C16orf95: variants seen among roughly 807,000 people sequenced by gnomAD.
C16orf95 encodes chromosome 16 open reading frame 95.
Under a neutral mutation model 32.1 loss-of-function variants are expected in C16orf95, and 41 were observed. The ratio of observed to expected loss-of-function variants is 1.28; its 90% CI spans 1.00 to 1.66. The LOEUF (loss-of-function observed/expected upper bound fraction) is 1.66, where lower values mean the gene tolerates loss of function less well. Ranked by LOEUF, C16orf95 falls within the 40% of genes most tolerant of loss-of-function variation. C16orf95 has a pLI of 0.00. For missense variants in C16orf95, 399 were observed against 325.9 expected, an observed-to-expected ratio of 1.22 and a Z score of -1.73; for synonymous variants, 147 against 128.9, an observed-to-expected ratio of 1.14 and a Z score of -0.95.
In C16orf95 at chr16:87,315,027, T is replaced by C. The variant is rs1483236334; in HGVS notation, c.274A>G (p.Arg92Gly). ...CAGTAAGGCAGTGCTGCTTCCACCCTGGACACAGGCAGGCGGCCCCCGAAT... is the reference window on the plus strand; with the variant it reads ...CAGTAAGGCAGTGCTGCTTCCACCCCGGACACAGGCAGGCGGCCCCCGAAT... The part of the protein sequence containing the change: ...TRFGGRLPVS[R>G]VEAALPYWVP... The change falls in exon 3 of 7, where the codon AGG becomes GGG. Residue 92 changes from arginine (R) to glycine (G), a missense_variant. Physicochemically the swap from Arg to Gly is moderately radical, Grantham distance 125. Coordinates refer to ENST00000567970, the MANE Select transcript of C16orf95 (RefSeq NM_001195124.3). 6.5e-6 allele frequency: 10 copies of C among 1,536,136 alleles called. No individual in the cohort carries two copies. The highest frequency in any genetic ancestry group is 1.7e-4 in the Middle Eastern group (1 of 5,988).
In C16orf95 at chr16:87,305,628, T is replaced by TC; in HGVS notation, c.701+90dup. On this transcript the variant is annotated intron_variant, in intron 6 of 6. Coordinates refer to ENST00000567970, the MANE Select transcript of C16orf95 (RefSeq NM_001195124.3). The surrounding 1 kb of genome is among the most constrained non-coding windows in gnomAD (Gnocchi z 4.2). ...TGTCAAGTTAAGCCCCACCCCCCAC[T>TC]CTTCCACATCCCTGATGGCCACCAA... The TC allele has an allele frequency of 8.3e-7, 1 of 1,199,150 alleles. No homozygotes were observed. Among genetic ancestry groups the TC allele is most frequent in the Non-Finnish European group, 1.1e-6 (1 of 891,228 alleles). The allele number at this position is 1,199,150 out of a possible 1,614,324, so 74.3% of individuals were successfully genotyped here.
At chr16:87,307,468 AT>A (rs1386232406) in intron 5 of C16orf95, among the ~76,000 whole-genome samples, 1 of 110,056 alleles carries the variant, frequency 9.1e-6, no homozygotes, top group Admixed American at 8.4e-5. Flanking sequence ...GAATTAAAAG[AT>A]AAAAATAGGC....
At chr16:87,312,978 C>T (rs1329848713) in intron 3 of C16orf95, among the ~76,000 whole-genome samples, 1 of 151,720 alleles carries the variant, frequency 6.6e-6, no homozygotes, top group Non-Finnish European at 1.5e-5. Flanking sequence ...TGTGTAAAGC[C>T]TATATAATAA....
At chr16:87,310,218 GC>G in intron 5 of C16orf95, 78 bp downstream of exon 5, 3 of 1,384,874 alleles carry the variant, frequency 2.2e-6, no homozygotes, top group South Asian at 1.2e-5. Flanking sequence ...TGAGAGGTCT[GC>G]CCCCACCATC....
At chr16:87,311,998 G>C (rs963253533) in intron 3 of C16orf95, among the ~76,000 whole-genome samples, 12 of 152,320 alleles carry the variant, frequency 7.9e-5, no homozygotes, top group African/African-American at 2.9e-4. Flanking sequence ...GCAGCACCGT[G>C]AGTTCACTAC....
Position 87,311,251 on chromosome 16 carries a change from A to C in C16orf95, c.376T>G (p.Cys126Gly). The change falls in exon 4 of 7, where the codon TGC (cysteine) becomes GGC (glycine). Residue 126 changes from cysteine to glycine, a missense_variant. Coordinates refer to ENST00000567970, the MANE Select transcript of C16orf95 (RefSeq NM_001195124.3). ...CCAAAGCGGTGGCATAGGCAGGGGC[A>C]CATCTTGGCGGTTTGGGGGATAGGA... ...QFPIPQTAKM[C>G]PCLCHRFGGR... is the part of the protein sequence containing the mutation. 2 of 1,535,736 alleles carry C rather than the reference A, an allele frequency of 1.3e-6. No individual in the cohort carries two copies.
intron 6 of C16orf95, among the ~76,000 whole-genome samples, chr16:87,304,200 G>T (rs1910894454): frequency 6.6e-6 from 1 of 152,040 alleles, no homozygotes; most frequent in Non-Finnish European, 1.5e-5. Context: ...TGTGGAGATG[G>T]GGTCTCACTA....
At chr16:87,303,979 G>C (rs932049214) in intron 6 of C16orf95, among the ~76,000 whole-genome samples, 2 of 151,930 alleles carry the variant, frequency 1.3e-5, no homozygotes, top group African/African-American at 4.8e-5. Flanking sequence ...TTCCCTTTTG[G>C]GCCCCCTGAC....
chr16:87,303,109 G>A (rs540259195), intron 6 of C16orf95, 34 bp from the exon 7 acceptor site: 12 of 1,535,918 alleles, frequency 7.8e-6, no homozygotes, highest in African/African-American at 2.7e-5. Context: ...ACTAGGACCC[G>A]GCCCCAGGCT....
chr16:87,316,501 C>A (rs1213894142), intron 1 of C16orf95, among the ~76,000 whole-genome samples: 2 of 152,168 alleles, frequency 1.3e-5, no homozygotes, highest in African/African-American at 4.8e-5. Flanking sequence ...TCATAATAAC[C>A]ATTATTATTA....
chr16:87,309,660 A>C (rs1911192349), intron 5 of C16orf95, among the ~76,000 whole-genome samples: 1 of 152,114 alleles, frequency 6.6e-6, no homozygotes, highest in South Asian at 2.1e-4. Context: ...CTGGGACTAC[A>C]GGTGTGAGCC....
In C16orf95 at chr16:87,317,247, C is replaced by T; in HGVS notation, c.-5G>A. On this transcript the variant is annotated 5_prime_UTR_variant, in exon 1 of 7. Coordinates refer to ENST00000567970, the MANE Select transcript of C16orf95 (RefSeq NM_001195124.3). Reference sequence around the variant, plus strand: ...TGGGGACCGGCTCGCACGCATATGGCTTCTTATGGCTGACGCGCCCTTTCA... The same window carrying T: ...TGGGGACCGGCTCGCACGCATATGGTTTCTTATGGCTGACGCGCCCTTTCA... 6.6e-7 allele frequency: 1 copy of T among 1,516,224 alleles called. No homozygotes were observed. The highest frequency in any genetic ancestry group is 8.8e-7 in the Non-Finnish European group (1 of 1,136,260). 93.9% of individuals were successfully genotyped at this position (1,516,224 alleles called of 1,614,324 possible). A position where few individuals can be genotyped will look rare whatever the true frequency, so the allele number is the denominator to read the frequency against.
intron 5 of C16orf95, among the ~76,000 whole-genome samples, chr16:87,308,904 C>T (rs11644134): frequency 0.52 from 79,567 of 152,024 alleles, 21,453 homozygotes; most frequent in Non-Finnish European, 0.6. Flanking sequence ...GAGATGTCTA[C>T]GCTGTTGGCT....
intron 5 of C16orf95, among the ~76,000 whole-genome samples, chr16:87,308,503 T>G (rs1010073959): frequency 6.6e-6 from 1 of 151,388 alleles, no homozygotes; most frequent in African/African-American, 2.4e-5. Context: ...AATAAATAAA[T>G]AAATAAATAA....
At chr16:87,312,591 GA>G (rs1911334898) in intron 3 of C16orf95, among the ~76,000 whole-genome samples, 3 of 138,298 alleles carry the variant, frequency 2.2e-5, no homozygotes, top group Non-Finnish European at 4.8e-5. Context: ...AAAAAAGAAA[GA>G]AAAGAAAAGA....
chr16:87,312,595 A>C (rs2150653760), intron 3 of C16orf95, among the ~76,000 whole-genome samples: 1 of 151,576 alleles, frequency 6.6e-6, no homozygotes, highest in African/African-American at 2.4e-5. Context: ...AAGAAAGAAA[A>C]GAAAAGAAAA....
intron 3 of C16orf95, 30 bp from the exon 4 acceptor site, chr16:87,311,326 A>G (rs963885277): frequency 6.6e-7 from 1 of 1,508,510 alleles, no homozygotes; most frequent in African/African-American, 1.4e-5. Context: ...GAGAAGATTC[A>G]GAAGGGGATG....
chr16:87,317,259 G>A lies in C16orf95; in HGVS notation c.-17C>T, dbSNP rs535850431. 4.0e-6 allele frequency: 6 copies of A among 1,508,670 alleles called. No individual in the cohort carries two copies. In the African/African-American group the frequency reaches 8.3e-5, roughly 21 times the overall value. The allele number at this position is 1,508,670 out of a possible 1,614,324, so 93.5% of individuals were successfully genotyped here. ...CGCACGCATATGGCTTCTTATGGCT[G>A]ACGCGCCCTTTCACACACACATCGT... On this transcript the variant is annotated 5_prime_UTR_variant, in exon 1 of 7. Coordinates refer to ENST00000567970, the MANE Select transcript of C16orf95 (RefSeq NM_001195124.3).
At position 87,305,711 on chromosome 16, in the gene C16orf95, C is replaced by T. The variant is rs1438825199; in HGVS notation, c.701+8G>A. 7 of 1,496,382 alleles carry T rather than the reference C, an allele frequency of 4.7e-6. No homozygotes were observed. The highest frequency in any genetic ancestry group is 4.3e-5 in the Admixed American group (2 of 46,242). The allele number at this position is 1,496,382 out of a possible 1,614,324, so 92.7% of individuals were successfully genotyped here. On this transcript the variant is annotated splice_region_variant and intron_variant, in intron 6 of 6. Coordinates refer to ENST00000567970, the MANE Select transcript of C16orf95 (RefSeq NM_001195124.3). The surrounding 1 kb of genome is among the most constrained non-coding windows in gnomAD (Gnocchi z 4.2). ...CCACCCACTGTCCCCCATCCCCCAC[C>T]TGCTCACCGAATGGCCATGATGACC...
Sources: allele counts gnomAD v4.1 joint callset (sites outside exome capture counted in the v4.1 genomes callset), GRCh38; gene constraint gnomAD v4.1.1; non-coding constraint Gnocchi (gnomAD v3.1); transcripts MANE v1.5; gene names NCBI Gene and HGNC (gene_info 2026-07-23, HGNC 2026-07-21).